SBNO2: variants seen among roughly 807,000 people sequenced by gnomAD.
SBNO2 encodes protein strawberry notch homolog 2.
A neutral mutation model predicts 146.3 loss-of-function variants in SBNO2; 89 were observed. That is an observed-to-expected ratio of 0.61 (90% CI 0.51 to 0.73). The LOEUF (loss-of-function observed/expected upper bound fraction) is 0.73, where lower values mean the gene tolerates loss of function less well. Ranked by LOEUF, SBNO2 falls within the 30% of genes least tolerant of loss-of-function variation. The probability of loss-of-function intolerance (pLI) is 0.00; values close to 1 mark genes in which losing one functional copy is unlikely to be tolerated. For synonymous variants in SBNO2, 1,147 were observed against 892.6 expected (o/e 1.29, Z -5.08); for missense variants, 2,092 against 2,003.7 (o/e 1.04, Z -0.84).
In SBNO2 at chr19:1,112,531, C is replaced by A; in HGVS notation, c.2386G>T (p.Ala796Ser). ...GAGCTGGAGGCCTCCGAGATGATGG[C>A]CACGAGCTAGGGGGAAAGAAGGGGC... Reference protein sequence around the residue: ...QRFMSGEKLVAIISEASSSGV... With the variant: ...QRFMSGEKLVSIISEASSSGV... The change falls in exon 21 of 32, where the codon GCC becomes TCC. Residue 796 changes from alanine (A) to serine (S), a missense_variant. Ala to Ser is a moderately conservative substitution (Grantham distance 99). Transcript: ENST00000361757. This position sits in a 1 kb window ranked among gnomAD's most constrained non-coding sequence, Gnocchi z 5.9. 1 of 1,600,356 alleles carries A rather than the reference C, an allele frequency of 6.2e-7. No homozygotes were observed. The highest frequency in any genetic ancestry group is 8.5e-7 in the Non-Finnish European group (1 of 1,177,002).
At chr19:1,149,224 G>A (rs1328998731) in intron 3 of SBNO2, 145 bp downstream of exon 3, 1 of 694,110 alleles carries the variant, frequency 1.4e-6, no homozygotes, top group South Asian at 1.8e-5. Context: ...GTGGGGTGGA[G>A]CCTTCCAGGA....
intron 1 of SBNO2, among the ~76,000 whole-genome samples, chr19:1,170,752 C>T (rs1205199094): frequency 1.3e-5 from 2 of 151,988 alleles, no homozygotes; most frequent in Non-Finnish European, 2.9e-5. Flanking sequence ...ACAACGGACA[C>T]GTGCATAACG....
chr19:1,145,972 G>A (rs2080186058), intron 4 of SBNO2, among the ~76,000 whole-genome samples: 1 of 152,058 alleles, frequency 6.6e-6, no homozygotes, highest in Non-Finnish European at 1.5e-5. Flanking sequence ...GGAGTCTGAG[G>A]CCAAGGTGTC....
chr19:1,162,822 C>T (rs543530500), intron 1 of SBNO2, among the ~76,000 whole-genome samples: 3 of 152,330 alleles, frequency 2.0e-5, no homozygotes, highest in African/African-American at 4.8e-5. Flanking sequence ...ACATGCACAC[C>T]CAGTCCAGCC....
intron 15 of SBNO2, 48 bp downstream of exon 15, chr19:1,117,275 C>G (rs2079843926): frequency 6.6e-7 from 1 of 1,509,942 alleles, no homozygotes; most frequent in Non-Finnish European, 8.9e-7. Flanking sequence ...CAGCCTCCGC[C>G]CCTGCAGGCC....
chr19:1,165,820 T>C (rs964077798), intron 1 of SBNO2, among the ~76,000 whole-genome samples: 54 of 1,938 alleles, frequency 0.028, no homozygotes, highest in Middle Eastern at 0.25. Flanking sequence ...ACCCCAGATC[T>C]CAGACCCCCA....
intron 2 of SBNO2, among the ~76,000 whole-genome samples, chr19:1,153,394 C>T (rs557659119): frequency 1.9e-4 from 28 of 151,224 alleles, no homozygotes; most frequent in African/African-American, 5.6e-4. Flanking sequence ...CCTGCCACCA[C>T]GCCAGGCTAA....
rs1166989171 is a variant in SBNO2, at chr19:1,157,417, G to C, written c.-126-3015C>G. ...GACGCTCTCCCCACGCGGCCCCGGA[G>C]ACCCTCTCCCCACGCGGCCCCGGTG... On this transcript the variant is annotated intron_variant, in intron 1 of 31. Transcript: ENST00000361757. The surrounding 1 kb of genome is among the most constrained non-coding windows in gnomAD (Gnocchi z 6.8). Among the ~76,000 whole-genome samples the C allele has an allele frequency of 6.7e-6, 1 of 149,390 alleles. No homozygotes were observed. The highest frequency in any genetic ancestry group is 1.5e-5 in the Non-Finnish European group (1 of 66,466).
In SBNO2 at chr19:1,107,930, G is replaced by A. The variant is rs2079690826; in HGVS notation, c.*290C>T. ...GGTTTCACGGATTTCAAGGGTTTGGGCCCACTGAGCCCTTGTGGGTGCCCA... is the reference window on the plus strand; with the variant it reads ...GGTTTCACGGATTTCAAGGGTTTGGACCCACTGAGCCCTTGTGGGTGCCCA... On this transcript the variant is annotated 3_prime_UTR_variant, in exon 32 of 32. Transcript: ENST00000361757. 4.3e-6 allele frequency: 1 copy of A among 233,006 alleles called. No individual in the cohort carries two copies. Among genetic ancestry groups the A allele is most frequent in the African/African-American group, 2.3e-5 (1 of 43,350 alleles). 14.4% of individuals were successfully genotyped at this position (233,006 alleles called of 1,614,324 possible). A position where few individuals can be genotyped will look rare whatever the true frequency, so the allele number is the denominator to read the frequency against.
Position 1,116,176 on chromosome 19 carries a change from A to G in SBNO2, c.1803-73T>C, listed in dbSNP as rs1320594461. 1.8e-5 allele frequency: 26 copies of G among 1,417,988 alleles called. No individual in the cohort carries two copies. The Admixed American group carries it at 4.2e-4, about 23-fold the overall frequency. The allele number at this position is 1,417,988 out of a possible 1,614,324, so 87.8% of individuals were successfully genotyped here. A position where few individuals can be genotyped will look rare whatever the true frequency, so the allele number is the denominator to read the frequency against. On this transcript the variant is annotated intron_variant, in intron 16 of 31. Coordinates refer to ENST00000361757, the MANE Select transcript of SBNO2 (RefSeq NM_014963.3). ...GGCGGGGTTGCTCTCCAGGAGCTGG[A>G]CGCACCCCTGGGTCCCTGTGGGGGT...
rs117648651 is a variant in SBNO2, at chr19:1,116,933, G to A, written c.1705-7C>T. ...GCAGCCCGATGACCACGCACTGTGG[G>A]ACGGCAGAGGACTGTGAGCCACCAG... On this transcript the variant is annotated splice_region_variant and splice_polypyrimidine_tract_variant and intron_variant, in intron 15 of 31. Coordinates refer to ENST00000361757, the MANE Select transcript of SBNO2 (RefSeq NM_014963.3). The A allele has an allele frequency of 0.011, 17,240 of 1,546,708 alleles. 120 individuals are homozygous for A. The highest frequency in any genetic ancestry group is 0.013 in the Non-Finnish European group (15,530 of 1,151,800).
chr19:1,138,577 G>T (rs79035493), intron 4 of SBNO2, among the ~76,000 whole-genome samples: 8 of 152,052 alleles, frequency 5.3e-5, no homozygotes, highest in African/African-American at 2.4e-5. Context: ...TGCTCACGGC[G>T]GCACAACTCA....
rs2079753433 is a variant in SBNO2, at chr19:1,111,089, C to T, written c.2814G>A (p.Met938Ile). 1 of 1,550,126 alleles carries T rather than the reference C, an allele frequency of 6.5e-7. No individual in the cohort carries two copies. The highest frequency in any genetic ancestry group is 1.4e-5 in the African/African-American group (1 of 73,200). ...PGGVPTFFRD[M>I]KQGLLSVGIG... The stretch of plus-strand genomic sequence containing the variant: ...TGCCCACAGACAGCAGGCCCTGCTT[C>T]ATGTCTGCGGGGAGAGGGGCCTCAC... Residue 938 changes from methionine to isoleucine, a missense_variant, in exon 25 of 32, where the codon ATG (methionine) becomes ATA (isoleucine). Transcript: ENST00000361757.
chr19:1,123,684 G>T (rs1392265891), intron 6 of SBNO2, 45 bp from the exon 7 acceptor site: 1 of 1,549,186 alleles, frequency 6.5e-7, no homozygotes, highest in Non-Finnish European at 8.8e-7. Context: ...GGCCTGAGCG[G>T]CCGCGGGCAC....
Position 1,109,782 on chromosome 19 carries a change from G to T in SBNO2, c.3029-5C>A, listed in dbSNP as rs370777286. On this transcript the variant is annotated splice_region_variant and splice_polypyrimidine_tract_variant and intron_variant, in intron 26 of 31. Coordinates refer to ENST00000361757, the MANE Select transcript of SBNO2 (RefSeq NM_014963.3). The surrounding 1 kb of genome is among the most constrained non-coding windows in gnomAD (Gnocchi z 4.2). Reference sequence around the variant, plus strand: ...CCTCGATACCGGGAGCAAGGTCTAGGGGGGCGGGTGGAGGGTAAGTGGTGT... The same window carrying T: ...CCTCGATACCGGGAGCAAGGTCTAGTGGGGCGGGTGGAGGGTAAGTGGTGT... 1.3e-6 allele frequency: 2 copies of T among 1,577,702 alleles called. No individual in the cohort carries two copies. Among genetic ancestry groups the T allele is most frequent in the Middle Eastern group, 1.8e-4 (1 of 5,592 alleles).
Position 1,144,643 on chromosome 19 carries a change from G to A in SBNO2, c.279+2666C>T, listed in dbSNP as rs1198147558. Among the ~76,000 whole-genome samples the A allele has an allele frequency of 2.0e-5, 3 of 151,602 alleles. No individual in the cohort carries two copies. The highest frequency in any genetic ancestry group is 2.4e-5 in the African/African-American group (1 of 41,234). ...GGAAACAGACGAAGACAGAGAGGGC[G>A]ACAGAGACAGAGGCAGAGAGGGAAA... On this transcript the variant is annotated intron_variant, in intron 4 of 31. Coordinates refer to ENST00000361757, the MANE Select transcript of SBNO2 (RefSeq NM_014963.3). The surrounding 1 kb of genome is among the most constrained non-coding windows in gnomAD (Gnocchi z 4.1).
rs954959630 is a variant in SBNO2 at position 1,158,986 on chromosome 19, C to T, written c.-126-4584G>A. ...ACTTGCAGCTGCAACCGCCGCCCCA[C>T]GGCCGTGACCCCACCTGCACCCGCG... On this transcript the variant is annotated intron_variant, in intron 1 of 31. Coordinates refer to ENST00000361757, the MANE Select transcript of SBNO2 (RefSeq NM_014963.3). This position sits in a 1 kb window ranked among gnomAD's most constrained non-coding sequence, Gnocchi z 9.9. 3.8e-4 allele frequency among the ~76,000 whole-genome samples: 57 copies of T among 150,008 alleles called. No homozygotes were observed. The highest frequency in any genetic ancestry group is 7.1e-4 in the Non-Finnish European group (48 of 67,744).
Position 1,150,266 on chromosome 19 carries a change from G to A in SBNO2, c.94-824C>T, listed in dbSNP as rs539817081. On this transcript the variant is annotated intron_variant, in intron 2 of 31. Transcript: ENST00000361757. This position sits in a 1 kb window ranked among gnomAD's most constrained non-coding sequence, Gnocchi z 6.2. ...CGGCAGGCCCCAAAACCTGAGGATG[G>A]GGAGCACACGGGGCAGCAGCGGGCC... 6.6e-6 allele frequency among the ~76,000 whole-genome samples: 1 copy of A among 152,262 alleles called. No individual in the cohort carries two copies. The highest frequency in any genetic ancestry group is 6.5e-5 in the Admixed American group (1 of 15,296).
In SBNO2 at chr19:1,109,108, T is replaced by TC; in HGVS notation, c.3425+26dup. The TC allele has an allele frequency of 1.3e-6, 2 of 1,546,310 alleles. No homozygotes were observed. Among genetic ancestry groups the TC allele is most frequent in the Non-Finnish European group, 1.7e-6 (2 of 1,145,240 alleles). On this transcript the variant is annotated intron_variant, in intron 30 of 31. Coordinates refer to ENST00000361757, the MANE Select transcript of SBNO2 (RefSeq NM_014963.3). The surrounding 1 kb of genome is among the most constrained non-coding windows in gnomAD (Gnocchi z 4.2). The stretch of plus-strand genomic sequence containing the variant: ...CCTGGGTCGCCGCCATCTGCCGGTT[T>TC]CCCCCTGGTCCCCGGCCCGCCCTCA...
Sources: allele counts gnomAD v4.1 joint callset (sites outside exome capture counted in the v4.1 genomes callset), GRCh38; gene constraint gnomAD v4.1.1; non-coding constraint Gnocchi (gnomAD v3.1); transcripts MANE v1.5; gene names NCBI Gene and HGNC (gene_info 2026-07-23, HGNC 2026-07-21).